EPHA3: variants seen among roughly 807,000 people sequenced by gnomAD.
EPHA3 encodes EPH receptor A3, also known as ephrin type-A receptor 3.
EPHA3 carries 42 observed loss-of-function variants against 107.1 expected under a neutral mutation model. That is an observed-to-expected ratio of 0.39 (90% CI 0.31 to 0.51). The LOEUF (loss-of-function observed/expected upper bound fraction) is 0.51. Ranked by LOEUF, EPHA3 falls within the 20% of genes least tolerant of loss-of-function variation. EPHA3 has a pLI of 0.78. For synonymous variants in EPHA3, 461 were observed against 424.8 expected (o/e 1.09, Z -1.05); for missense variants, 1,183 against 1,211.2 (o/e 0.98, Z 0.35).
intron 12 of EPHA3, among the ~76,000 whole-genome samples, chr3:89,430,781 C>A (rs1576374103): frequency 6.6e-6 from 1 of 152,076 alleles, no homozygotes; most frequent in Admixed American, 6.6e-5. Flanking sequence ...AATGAAAATT[C>A]AATCAAACAA....
intron 15 of EPHA3, among the ~76,000 whole-genome samples, chr3:89,452,404 A>G (rs1710011146): frequency 6.6e-6 from 1 of 152,138 alleles, no homozygotes; most frequent in Non-Finnish European, 1.5e-5. Flanking sequence ...AACAAGTGTG[A>G]GGTTCTAGCT....
chr3:89,361,680 C>A (rs928973811), intron 5 of EPHA3, among the ~76,000 whole-genome samples: 1 of 151,024 alleles, frequency 6.6e-6, no homozygotes, highest in Non-Finnish European at 1.5e-5. Context: ...GGAGCTAAGA[C>A]GAACATTTTC....
At chr3:89,396,066 G>A (rs958246640) in intron 6 of EPHA3, 105 bp downstream of exon 6, 5 of 1,491,032 alleles carry the variant, frequency 3.4e-6, no homozygotes, top group Non-Finnish European at 4.6e-6. Context: ...AAATGGTAGA[G>A]CACTGTTTAG....
chr3:89,426,094 G>C (rs1709450252), intron 11 of EPHA3, among the ~76,000 whole-genome samples: 1 of 151,684 alleles, frequency 6.6e-6, no homozygotes, highest in African/African-American at 2.4e-5. Flanking sequence ...ATTGAGTTTA[G>C]TATGTATACC....
At chr3:89,442,617 G>A (rs1360240914) in intron 13 of EPHA3, among the ~76,000 whole-genome samples, 1 of 152,154 alleles carries the variant, frequency 6.6e-6, no homozygotes, top group Admixed American at 6.5e-5. Flanking sequence ...GGTCAACAGT[G>A]CCCTTCTAGA....
At chr3:89,200,503 T>TA in intron 2 of EPHA3, among the ~76,000 whole-genome samples, 1 of 152,312 alleles carries the variant, frequency 6.6e-6, no homozygotes, top group South Asian at 2.1e-4. Flanking sequence ...ATGGTCTTGC[T>TA]AAAGCTCTTC....
chr3:89,121,255 T>A (rs1422448351), intron 1 of EPHA3, among the ~76,000 whole-genome samples: 1 of 151,736 alleles, frequency 6.6e-6, no homozygotes, highest in East Asian at 1.9e-4. Flanking sequence ...AATAAATAAA[T>A]AAATAAAATA....
rs546257039 is a variant in EPHA3, at chr3:89,479,058, G to A, written c.2847-339G>A. ...TCTGTGTATCCTATTCTCTTATAAG[G>A]AAACTGTCACTGGATTTATGTACCA... is the stretch of plus-strand genomic sequence containing the variant. On this transcript the variant is annotated intron_variant, in intron 16 of 16. Transcript: ENST00000336596. Among the ~76,000 whole-genome samples, 16 of 152,200 alleles carry A rather than the reference G, an allele frequency of 1.1e-4. No homozygotes were observed. The South Asian group carries it at 3.3e-3, about 32-fold the overall frequency.
intron 2 of EPHA3, among the ~76,000 whole-genome samples, chr3:89,174,362 T>G (rs1288655230): frequency 6.6e-6 from 1 of 151,962 alleles, no homozygotes; most frequent in Non-Finnish European, 1.5e-5. Context: ...AAGGCAAAAA[T>G]GTAAGTGTGG....
At chr3:89,450,085 A>G in intron 14 of EPHA3, 92 bp from the exon 15 acceptor site, 1 of 1,018,418 alleles carries the variant, frequency 9.8e-7, no homozygotes. Context: ...CCTTTAAAAT[A>G]AGCATATTTG....
At chr3:89,297,128 T>C (rs908973662) in intron 3 of EPHA3, among the ~76,000 whole-genome samples, 6 of 152,142 alleles carry the variant, frequency 3.9e-5, no homozygotes, top group African/African-American at 1.4e-4. Context: ...AGCAATAAGG[T>C]TGTTTTATTT....
chr3:89,185,754 T>A (rs1213542968), intron 2 of EPHA3, among the ~76,000 whole-genome samples: 1 of 152,068 alleles, frequency 6.6e-6, no homozygotes, highest in Non-Finnish European at 1.5e-5. Context: ...GGTTCACATA[T>A]TCGCATTTAC....
chr3:89,142,871 AGCATGGATCCGGCACAAT>A (rs893098598), intron 2 of EPHA3, among the ~76,000 whole-genome samples: 29 of 151,426 alleles, frequency 1.9e-4, no homozygotes, highest in Non-Finnish European at 2.2e-4. Context: ...TTCAAAAAAG[AGCATGGATCCGGCACAAT>A]GCTAAATGAA....
At chr3:89,200,730 A>C (rs1705949014) in intron 2 of EPHA3, among the ~76,000 whole-genome samples, 1 of 152,212 alleles carries the variant, frequency 6.6e-6, no homozygotes, top group Non-Finnish European at 1.5e-5. Flanking sequence ...ATTCACAGCC[A>C]GGGACACTGT....
chr3:89,476,830 G>T (rs1216008331), intron 16 of EPHA3, among the ~76,000 whole-genome samples: 2 of 151,814 alleles, frequency 1.3e-5, no homozygotes, highest in African/African-American at 2.4e-5. Flanking sequence ...GGATGGTCTT[G>T]CTCTCCTGAC....
intron 3 of EPHA3, among the ~76,000 whole-genome samples, chr3:89,272,922 C>T (rs533325565): frequency 6.6e-6 from 1 of 151,966 alleles, no homozygotes; most frequent in Admixed American, 6.6e-5. Context: ...ACTTAAGAAA[C>T]CATGTATCTC....
At chr3:89,128,403 A>G (rs1008728653) in intron 2 of EPHA3, among the ~76,000 whole-genome samples, 8 of 152,140 alleles carry the variant, frequency 5.3e-5, no homozygotes, top group Admixed American at 5.2e-4. Context: ...AGAGGTGTAA[A>G]AGGAATCAAA....
intron 1 of EPHA3, among the ~76,000 whole-genome samples, chr3:89,120,842 A>G (rs528507592): frequency 1.3e-5 from 2 of 152,344 alleles, no homozygotes; most frequent in Non-Finnish European, 2.9e-5. Context: ...ATGAGAAAGA[A>G]TAAGTTAAGT....
chr3:89,109,218 A>C (rs1308246641), intron 1 of EPHA3, among the ~76,000 whole-genome samples: 1 of 152,082 alleles, frequency 6.6e-6, no homozygotes, highest in Non-Finnish European at 1.5e-5. Context: ...AGGATCAAGA[A>C]AATTATCTTA....
Sources: gnomAD v4.1 joint callset for allele counts (sites outside exome capture counted in the v4.1 genomes callset) on GRCh38, gnomAD v4.1.1 for gene constraint, MANE v1.5 for transcripts, NCBI Gene and HGNC (gene_info 2026-07-23, HGNC 2026-07-21) for gene names.